The following TMEM52 variants were observed in gnomAD, a reference collection of about 807,000 sequenced individuals.
TMEM52 encodes the protein transmembrane protein 52.
TMEM52 carries 14 observed loss-of-function variants against 16.2 expected under a neutral mutation model. The observed-to-expected ratio is 0.87, with a 90% CI of 0.57 to 1.35. The LOEUF is 1.35. TMEM52 is among the 40% of genes most tolerant of loss of function. TMEM52 has a pLI of 0.00. For missense variants in TMEM52, 309 were observed against 278.6 expected, an observed-to-expected ratio of 1.11 and a Z score of -0.78; for synonymous variants, 136 against 124.7, an observed-to-expected ratio of 1.09 and a Z score of -0.60.
rs760297972 is a variant in TMEM52 at position 1,918,006 on chromosome 1, TC to T, written c.505del (p.Glu169LysfsTer18). 3.3e-5 allele frequency: 54 copies of T among 1,613,810 alleles called. No individual in the cohort carries two copies. Among genetic ancestry groups the T allele is most frequent in the Admixed American group, 5.0e-5 (3 of 60,004 alleles). ...EAVKMAKPRE[E>X]GPALSQKPSP... ...GGGTTTCTGGGAGAGTGCTGGTCCT[TC>T]CTCTCTGGGCTTGGCCATCTTGACA... On this transcript the variant is annotated frameshift_variant, in exon 5 of 5. Coordinates refer to ENST00000310991, the MANE Select transcript of TMEM52 (RefSeq NM_178545.4). LOFTEE classifies it low-confidence loss of function (END_TRUNC).
chr1:1,919,219 G>C lies in TMEM52; in HGVS notation c.47C>G (p.Pro16Arg), dbSNP rs1570797098. The C allele has an allele frequency of 1.0e-5, 12 of 1,148,762 alleles. No individual in the cohort carries two copies. The highest frequency in any genetic ancestry group is 1.8e-5 in the South Asian group (1 of 54,742). 71.2% of individuals were successfully genotyped at this position (1,148,762 alleles called of 1,614,324 possible). ...CAGGAGCGGCAGGAGCGGCAGGAGC[G>C]GCAGCAGCAGCCGCAGTCCGCGGGC... is the stretch of plus-strand genomic sequence containing the variant. Reference protein sequence around the residue: ...LAARGLRLLLPLLPLLPLLPL... With the variant: ...LAARGLRLLLRLLPLLPLLPL... Residue 16 changes from proline (P) to arginine (R), a missense_variant, in exon 1 of 5, where the codon CCG becomes CGG. Physicochemically the swap from Pro to Arg is moderately radical, Grantham distance 103. Coordinates refer to ENST00000310991, the MANE Select transcript of TMEM52 (RefSeq NM_178545.4).
Position 1,918,517 on chromosome 1 carries a change from G to A in TMEM52, c.171-86C>T, listed in dbSNP as rs772717251. 2.8e-5 allele frequency: 33 copies of A among 1,164,934 alleles called. 1 individual carries two copies. In the South Asian group the frequency reaches 4.3e-4, roughly 15 times the overall value. 72.2% of individuals were successfully genotyped at this position (1,164,934 alleles called of 1,614,324 possible). ...GGAATGTCGTGGCACAACCACCGAA[G>A]ACAGGTTAACAGGATAAAAAGCAGA... On this transcript the variant is annotated intron_variant, in intron 3 of 4. Transcript: ENST00000310991.
chr1:1,919,035 C>G lies in TMEM52; in HGVS notation c.128+10G>C, dbSNP rs966610332. On this transcript the variant is annotated intron_variant, in intron 2 of 4. Transcript: ENST00000310991. ...GGGGCCAGGCCCCGGCTCCCTCCCC[C>G]CCGACTTACTGGTCCGAGGGGTCGC... The G allele has an allele frequency of 1.7e-5, 23 of 1,338,742 alleles. No homozygotes were observed. Among genetic ancestry groups the G allele is most frequent in the Admixed American group, 8.1e-5 (2 of 24,760 alleles). The allele number at this position is 1,338,742 out of a possible 1,614,324, so 82.9% of individuals were successfully genotyped here. A position where few individuals can be genotyped will look rare whatever the true frequency, so the allele number is the denominator to read the frequency against.
intron 4 of TMEM52, 44 bp downstream of exon 4, chr1:1,918,209 C>T: frequency 6.2e-7 from 1 of 1,608,044 alleles, no homozygotes; most frequent in South Asian, 1.1e-5. Flanking sequence ...TGGCATTTAC[C>T]CCCGCCATCT....
In TMEM52 at chr1:1,918,388, T is replaced by C; in HGVS notation, c.214A>G (p.Thr72Ala). ...AVLLLLLCGV[T>A]AGCVRFCCLR... The stretch of plus-strand genomic sequence containing the variant: ...CAGCAGAACCGGACACAACCAGCTG[T>C]GACACCACACAGCAGAAGCAGGAGG... The change falls in exon 4 of 5, where the codon ACA (threonine) becomes GCA (alanine). Residue 72 changes from threonine (T) to alanine (A), a missense_variant. Thr to Ala is a moderately conservative substitution (Grantham distance 58, BLOSUM62 0). Coordinates refer to ENST00000310991, the MANE Select transcript of TMEM52 (RefSeq NM_178545.4). 6.2e-7 allele frequency: 1 copy of C among 1,612,660 alleles called. No homozygotes were observed.
chr1:1,918,164 T>G lies in TMEM52; in HGVS notation c.350-2A>C. On this transcript the variant is annotated splice_acceptor_variant, in intron 4 of 4. Transcript: ENST00000310991. LOFTEE classifies it high-confidence loss of function. ...GTGGGTACTGCACGGAGCTGTAGGC[T>G]GCAGGGAACCAGAGTGGGTTCGTGG... The G allele has an allele frequency of 1.9e-6, 3 of 1,611,228 alleles. No individual in the cohort carries two copies. The South Asian group carries it at 3.3e-5, about 18-fold the overall frequency.
At position 1,918,445 on chromosome 1, in the gene TMEM52, G is replaced by A; in HGVS notation, c.171-14C>T. ...AGCAGGATGAGCCTAGGAGAGCAAG[G>A]CTCTACCACTGGACTGACCCTCGGC... On this transcript the variant is annotated splice_polypyrimidine_tract_variant and intron_variant, in intron 3 of 4. Transcript: ENST00000310991. 3 of 1,607,586 alleles carry A rather than the reference G, an allele frequency of 1.9e-6. No individual in the cohort carries two copies. The highest frequency in any genetic ancestry group is 1.3e-5 in the African/African-American group (1 of 74,944).
In TMEM52 at chr1:1,919,096, G is replaced by C. The variant is rs1651251457; in HGVS notation, c.85-8C>G. On this transcript the variant is annotated splice_polypyrimidine_tract_variant and splice_region_variant and intron_variant, in intron 1 of 4. Coordinates refer to ENST00000310991, the MANE Select transcript of TMEM52 (RefSeq NM_178545.4). ...CGCGAAGCCCAGCGCCACCTGTGGG[G>C]ACAAGGGTGAGCCCGGGAGGGGCGT... The C allele has an allele frequency of 3.7e-6, 5 of 1,351,672 alleles. No individual in the cohort carries two copies. Among genetic ancestry groups the C allele is most frequent in the Non-Finnish European group, 4.7e-6 (5 of 1,056,772 alleles). 83.7% of individuals were successfully genotyped at this position (1,351,672 alleles called of 1,614,324 possible).
Position 1,919,108 on chromosome 1 carries a change from C to T in TMEM52, c.85-20G>A, listed in dbSNP as rs1021206514. 7.4e-7 allele frequency: 1 copy of T among 1,350,354 alleles called. No homozygotes were observed. The highest frequency in any genetic ancestry group is 3.0e-5 in the East Asian group (1 of 33,316). 83.6% of individuals were successfully genotyped at this position (1,350,354 alleles called of 1,614,324 possible). A position where few individuals can be genotyped will look rare whatever the true frequency, so the allele number is the denominator to read the frequency against. On this transcript the variant is annotated intron_variant, in intron 1 of 4. Coordinates refer to ENST00000310991, the MANE Select transcript of TMEM52 (RefSeq NM_178545.4). ...CGCCACCTGTGGGGACAAGGGTGAG[C>T]CCGGGAGGGGCGTGGTCCGAGCAGG...
At position 1,919,038 on chromosome 1, in the gene TMEM52, G is replaced by C. The variant is rs770958218; in HGVS notation, c.128+7C>G. The C allele has an allele frequency of 1.6e-4, 215 of 1,337,986 alleles. No individual in the cohort carries two copies. Among genetic ancestry groups the C allele is most frequent in the Non-Finnish European group, 2.0e-4 (209 of 1,048,906 alleles). 82.9% of individuals were successfully genotyped at this position (1,337,986 alleles called of 1,614,324 possible). On this transcript the variant is annotated splice_region_variant and intron_variant, in intron 2 of 4. Transcript: ENST00000310991. ...GCCAGGCCCCGGCTCCCTCCCCCCC[G>C]ACTTACTGGTCCGAGGGGTCGCAGC...
At position 1,918,363 on chromosome 1, in the gene TMEM52, C is replaced by T. The variant is rs1266548459; in HGVS notation, c.239G>A (p.Cys80Tyr). Residue 80 changes from cysteine (C) to tyrosine (Y), a missense_variant, in exon 4 of 5, where the codon TGC becomes TAC. By Grantham distance (194) the Cys-to-Tyr change is radical. Transcript: ENST00000310991. ...CTGGGCCTGTGCCTGCTTCCGGAGG[C>T]AGCAGAACCGGACACAACCAGCTGT... ...GVTAGCVRFC[C>Y]LRKQAQAQPH... is the part of the protein sequence containing the mutation. 1 of 1,612,712 alleles carries T rather than the reference C, an allele frequency of 6.2e-7. No homozygotes were observed. Among genetic ancestry groups the T allele is most frequent in the South Asian group, 1.1e-5 (1 of 91,078 alleles).
At chr1:1,918,865 G>C in intron 3 of TMEM52, 28 bp downstream of exon 3, 2 of 1,475,446 alleles carry the variant, frequency 1.4e-6, no homozygotes, top group Non-Finnish European at 1.8e-6. Context: ...ACCGTCGGAC[G>C]CACGGCTCCG....
intron 1 of TMEM52, 46 bp downstream of exon 1, chr1:1,919,136 C>A (rs1455346090): frequency 7.3e-7 from 1 of 1,361,188 alleles, no homozygotes; most frequent in Non-Finnish European, 9.4e-7. Flanking sequence ...CGAGCAGGGA[C>A]CCGCCCCGCG....
In TMEM52 at chr1:1,919,031, C is replaced by A. The variant is rs975775996; in HGVS notation, c.128+14G>T. 3 of 1,332,932 alleles carry A rather than the reference C, an allele frequency of 2.3e-6. No homozygotes were observed. Among genetic ancestry groups the A allele is most frequent in the Middle Eastern group, 2.5e-4 (1 of 4,080 alleles). 82.6% of individuals were successfully genotyped at this position (1,332,932 alleles called of 1,614,324 possible). On this transcript the variant is annotated intron_variant, in intron 2 of 4. Coordinates refer to ENST00000310991, the MANE Select transcript of TMEM52 (RefSeq NM_178545.4). The stretch of plus-strand genomic sequence containing the variant: ...GGGCGGGGCCAGGCCCCGGCTCCCT[C>A]CCCCCCGACTTACTGGTCCGAGGGG...
rs753604704 is a variant in TMEM52 at position 1,918,181 on chromosome 1, G to T, written c.350-19C>A. The T allele has an allele frequency of 6.2e-7, 1 of 1,609,480 alleles. No individual in the cohort carries two copies. The highest frequency in any genetic ancestry group is 8.5e-7 in the Non-Finnish European group (1 of 1,177,134). ...CTGTAGGCTGCAGGGAACCAGAGTG[G>T]GTTCGTGGAGGCGGGCTTGGCATTT... On this transcript the variant is annotated intron_variant, in intron 4 of 4. Coordinates refer to ENST00000310991, the MANE Select transcript of TMEM52 (RefSeq NM_178545.4).
Position 1,918,280 on chromosome 1 carries a change from C to A in TMEM52, c.322G>T (p.Asp108Tyr). The stretch of plus-strand genomic sequence containing the variant: ...GTCACAGTGCTGTGTACAGGGCTGT[C>A]ACTGTCCATAGGGATGACTGCCACG... ...CDVAVIPMDS[D>Y]SPVHSTVTSY... The change falls in exon 4 of 5, where the codon GAC becomes TAC. Residue 108 changes from aspartate (D) to tyrosine (Y), a missense_variant. Physicochemically the swap from Asp to Tyr is radical, Grantham distance 160. Coordinates refer to ENST00000310991, the MANE Select transcript of TMEM52 (RefSeq NM_178545.4). The A allele has an allele frequency of 6.2e-7, 1 of 1,612,816 alleles. No homozygotes were observed. The highest frequency in any genetic ancestry group is 8.5e-7 in the Non-Finnish European group (1 of 1,179,972).
chr1:1,919,226 G>A lies in TMEM52; in HGVS notation c.40C>T (p.Leu14=), dbSNP rs1265104933. The A allele has an allele frequency of 2.2e-6, 3 of 1,366,034 alleles. No individual in the cohort carries two copies. The highest frequency in any genetic ancestry group is 2.8e-6 in the Non-Finnish European group (3 of 1,067,288). 84.6% of individuals were successfully genotyped at this position (1,366,034 alleles called of 1,614,324 possible). The part of the protein sequence containing the change: ...GPLAARGLRL[L]LPLLPLLPLL... The stretch of plus-strand genomic sequence containing the variant: ...GGCAGGAGCGGCAGGAGCGGCAGCA[G>A]CAGCCGCAGTCCGCGGGCGGCCAGC... Residue 14 remains leucine (L), a synonymous_variant, in exon 1 of 5, where the codon CTG becomes TTG. Transcript: ENST00000310991.
chr1:1,918,005 T>A lies in TMEM52; in HGVS notation c.507A>T (p.Glu169Asp). 1.2e-6 allele frequency: 2 copies of A among 1,613,964 alleles called. No homozygotes were observed. Among genetic ancestry groups the A allele is most frequent in the Non-Finnish European group, 1.7e-6 (2 of 1,179,996 alleles). Residue 169 changes from glutamate to aspartate, a missense_variant, in exon 5 of 5, where the codon GAA (glutamate) becomes GAT (aspartate). By Grantham distance (45) the Glu-to-Asp change is conservative (BLOSUM62 2). Coordinates refer to ENST00000310991, the MANE Select transcript of TMEM52 (RefSeq NM_178545.4). Reference protein sequence around the residue: ...EAVKMAKPREEGPALSQKPSP... With the variant: ...EAVKMAKPREDGPALSQKPSP... ...TGGGTTTCTGGGAGAGTGCTGGTCCTTCCTCTCTGGGCTTGGCCATCTTGA... is the reference window on the plus strand; with the variant it reads ...TGGGTTTCTGGGAGAGTGCTGGTCCATCCTCTCTGGGCTTGGCCATCTTGA...
chr1:1,917,988 T>C lies in TMEM52; in HGVS notation c.524A>G (p.Gln175Arg). 1.2e-6 allele frequency: 2 copies of C among 1,613,962 alleles called. No homozygotes were observed. The highest frequency in any genetic ancestry group is 1.7e-6 in the Non-Finnish European group (2 of 1,180,010). ...GGCCCCAAGGAGAGGGCTGGGTTTC[T>C]GGGAGAGTGCTGGTCCTTCCTCTCT... is the stretch of plus-strand genomic sequence containing the variant. ...KPREEGPALS[Q>R]KPSPLLGASG... The change falls in exon 5 of 5, where the codon CAG becomes CGG. Residue 175 changes from glutamine (Q) to arginine (R), a missense_variant. Physicochemically the swap from Gln to Arg is conservative, Grantham distance 43. Coordinates refer to ENST00000310991, the MANE Select transcript of TMEM52 (RefSeq NM_178545.4).
Sources: allele counts gnomAD v4.1 joint callset, GRCh38; gene constraint gnomAD v4.1.1; transcripts MANE v1.5; gene names NCBI Gene and HGNC (gene_info 2026-07-23, HGNC 2026-07-21).